SATL1: variants seen among roughly 807,000 people sequenced by gnomAD.
The protein encoded by SATL1 is spermidine/spermine N(1)-acetyltransferase-like protein 1.
SATL1 carries 47 observed loss-of-function variants against 51.8 expected under a neutral mutation model. That is an observed-to-expected ratio of 0.91 (90% CI 0.72 to 1.16). The LOEUF is 1.16. Ranked by LOEUF, SATL1 falls within the 50% of genes most tolerant of loss-of-function variation. The probability of loss-of-function intolerance (pLI) is 0.00; values close to 1 mark genes in which losing one functional copy is unlikely to be tolerated. For synonymous variants in SATL1, 176 were observed against 182.4 expected, an observed-to-expected ratio of 0.97 and a Z score of 0.28; for missense variants, 520 against 526.4, an observed-to-expected ratio of 0.99 and a Z score of 0.12.
intron 2 of SATL1, among the ~76,000 whole-genome samples, chrX:85,196,539 T>C (rs970669819): frequency 4.5e-5 from 5 of 111,445 alleles, no homozygotes; most frequent in Non-Finnish European, 9.4e-5. Flanking sequence ...AAATGGAGGA[T>C]GTATACATCA....
chrX:85,239,854 T>A (rs756848875), intron 1 of SATL1, among the ~76,000 whole-genome samples: 2 of 110,585 alleles, frequency 1.8e-5, no homozygotes, highest in South Asian at 7.6e-4. Context: ...CAACTCAAAA[T>A]AATTAATATA....
At chrX:85,173,690 T>A (rs970264731) in intron 2 of SATL1, among the ~76,000 whole-genome samples, 30 of 110,797 alleles carry the variant, frequency 2.7e-4, no homozygotes, top group Admixed American at 1.5e-3. Context: ...TAAAAAAAAA[T>A]TGTAAGGTTT....
chrX:85,182,015 G>C (rs1245588846), intron 2 of SATL1, among the ~76,000 whole-genome samples: 2 of 111,234 alleles, frequency 1.8e-5, no homozygotes, highest in Admixed American at 9.5e-5. Context: ...CAGTGATATT[G>C]TTATGCATAT....
rs142595726 is a variant in SATL1 at position 85,133,607 on chromosome X, C to T, written c.-312-24327G>A. Among the ~76,000 whole-genome samples the T allele has an allele frequency of 7.7e-3, 867 of 112,163 alleles. 4 individuals are homozygous for T. Among genetic ancestry groups the T allele is most frequent in the Middle Eastern group, 0.014 (3 of 214 alleles). The stretch of plus-strand genomic sequence containing the variant: ...AAATCCCCTGACCCCTCATGCCTCC[C>T]GGCTGAGGCAATGCCCCACCCTGCT... On this transcript the variant is annotated intron_variant, in intron 2 of 7. Coordinates refer to ENST00000644105, the MANE Select transcript of SATL1 (RefSeq NM_001367857.2).
intron 2 of SATL1, among the ~76,000 whole-genome samples, chrX:85,197,545 G>A (rs1280585411): frequency 9.2e-6 from 1 of 108,179 alleles, no homozygotes; most frequent in Non-Finnish European, 1.9e-5. Context: ...TGTGCACAAT[G>A]TGCAGGTTAG....
intron 2 of SATL1, among the ~76,000 whole-genome samples, chrX:85,178,543 C>T (rs1209237680): frequency 2.8e-5 from 3 of 107,892 alleles, no homozygotes; most frequent in African/African-American, 1.0e-4. Flanking sequence ...AACACAAGTG[C>T]CTGGCTTTTG....
intron 2 of SATL1, among the ~76,000 whole-genome samples, chrX:85,112,583 T>C (rs969262224): frequency 9.0e-6 from 1 of 111,379 alleles, no homozygotes; most frequent in Non-Finnish European, 1.9e-5. Context: ...GCAGTGTGTT[T>C]ACTGGAGTTG....
intron 2 of SATL1, chrX:85,211,465 G>A (rs936432257): frequency 1.8e-5 from 2 of 111,576 alleles, no homozygotes; most frequent in African/African-American, 6.5e-5. Flanking sequence ...GTATGGATTA[G>A]TTTCCCTCCA....
chrX:85,113,322 T>C (rs754614399), intron 2 of SATL1, among the ~76,000 whole-genome samples: 1 of 111,790 alleles, frequency 8.9e-6, no homozygotes. Flanking sequence ...AGGCTGCAGA[T>C]AGCTCAAAAA....
chrX:85,155,683 T>C (rs187095107), intron 2 of SATL1, among the ~76,000 whole-genome samples: 1 of 111,232 alleles, frequency 9.0e-6, no homozygotes, highest in African/African-American at 3.3e-5. Context: ...ACTTTAAATA[T>C]ACTCTGGGAG....
chrX:85,229,797 T>C (rs1018824161), intron 1 of SATL1, among the ~76,000 whole-genome samples: 2 of 111,674 alleles, frequency 1.8e-5, no homozygotes, highest in African/African-American at 6.5e-5. Flanking sequence ...ACAGTAACAA[T>C]GAACTATTAG....
At chrX:85,129,079 G>A (rs969041308) in intron 2 of SATL1, among the ~76,000 whole-genome samples, 4 of 111,703 alleles carry the variant, frequency 3.6e-5, no homozygotes, top group African/African-American at 1.3e-4. Context: ...GTCAGGTAGC[G>A]TGATGCCTCC....
At chrX:85,157,176 T>C (rs1704354485) in intron 2 of SATL1, among the ~76,000 whole-genome samples, 1 of 110,048 alleles carries the variant, frequency 9.1e-6, no homozygotes. Context: ...ATGTTTCTGA[T>C]ATGGCTCTGT....
At chrX:85,173,849 T>G (rs1201877141) in intron 2 of SATL1, among the ~76,000 whole-genome samples, 2 of 109,330 alleles carry the variant, frequency 1.8e-5, no homozygotes, top group African/African-American at 6.7e-5. Context: ...TGTATACATG[T>G]GCCATGTTGG....
chrX:85,162,836 A>G (rs1203519345), intron 2 of SATL1, among the ~76,000 whole-genome samples: 1 of 111,521 alleles, frequency 9.0e-6, no homozygotes, highest in Non-Finnish European at 1.9e-5. Context: ...TATGTGGTGT[A>G]TCACATTTGC....
At chrX:85,232,448 A>T (rs985645599) in intron 1 of SATL1, among the ~76,000 whole-genome samples, 1 of 112,009 alleles carries the variant, frequency 8.9e-6, no homozygotes, top group Non-Finnish European at 1.9e-5. Flanking sequence ...CAGCATGGCT[A>T]CCAGTTCAGC....
At chrX:85,168,022 C>CA (rs199932955) in intron 2 of SATL1, among the ~76,000 whole-genome samples, 351 of 100,595 alleles carry the variant, frequency 3.5e-3, no homozygotes, top group East Asian at 8.1e-3. Context: ...GAACTAAGAA[C>CA]AAAAAAAAAA....
At chrX:85,094,465 T>G (rs1455074891) in intron 5 of SATL1, among the ~76,000 whole-genome samples, 1 of 111,959 alleles carries the variant, frequency 8.9e-6, no homozygotes, top group Non-Finnish European at 1.9e-5. Context: ...AAATTTTAGC[T>G]GGGCGCAGTG....
chrX:85,168,899 A>G (rs1451947218), intron 2 of SATL1, among the ~76,000 whole-genome samples: 1 of 112,084 alleles, frequency 8.9e-6, no homozygotes, highest in Non-Finnish European at 1.9e-5. Flanking sequence ...TAACCGAAAC[A>G]GCATACTACT....
Sources: allele counts gnomAD v4.1 joint callset (sites outside exome capture counted in the v4.1 genomes callset), GRCh38; gene constraint gnomAD v4.1.1; transcripts MANE v1.5; gene names NCBI Gene and HGNC (gene_info 2026-07-23, HGNC 2026-07-21).